Variants in PDE3B observed in about 807,000 individuals in gnomAD.
The protein encoded by PDE3B is phosphodiesterase 3B.
Under a neutral mutation model 116.8 loss-of-function variants are expected in PDE3B, and 66 were observed. That is an observed-to-expected ratio of 0.56 (90% confidence interval 0.46 to 0.69). The LOEUF is 0.69. Ranked by LOEUF, PDE3B falls within the 30% of genes least tolerant of loss-of-function variation. PDE3B has a pLI of 0.00. For missense variants in PDE3B, 1,384 were observed against 1,368.1 expected, an observed-to-expected ratio of 1.01 and a Z score of -0.18; for synonymous variants, 595 against 533.6, an observed-to-expected ratio of 1.12 and a Z score of -1.59.
chr11:14,679,698 G>T (rs1854640444), intron 1 of PDE3B, among the ~76,000 whole-genome samples: 1 of 151,696 alleles, frequency 6.6e-6, no homozygotes, highest in East Asian at 2.0e-4. Context: ...TACATGTGGA[G>T]CAGCTCAGGG....
intron 2 of PDE3B, chr11:14,772,762 AAAT>A (rs576888553): frequency 2.0e-3 from 303 of 152,108 alleles, no homozygotes; most frequent in African/African-American, 7.1e-3. Flanking sequence ...GAAAAAAGGA[AAAT>A]CACTCATAAA....
chr11:14,814,990 A>C (rs374606350), intron 5 of PDE3B, among the ~76,000 whole-genome samples: 23 of 150,860 alleles, frequency 1.5e-4, no homozygotes, highest in East Asian at 7.8e-4. Context: ...AAAAAAAAAA[A>C]GCTAGGTGTA....
chr11:14,746,930 G>A (rs1173536066), intron 1 of PDE3B, among the ~76,000 whole-genome samples: 2 of 152,172 alleles, frequency 1.3e-5, no homozygotes, highest in African/African-American at 2.4e-5. Context: ...CCTGAGACTG[G>A]TAATTTATAA....
chr11:14,656,396 T>C (rs1479636494), intron 1 of PDE3B, among the ~76,000 whole-genome samples: 1 of 152,222 alleles, frequency 6.6e-6, no homozygotes, highest in African/African-American at 2.4e-5. Context: ...TATCTGTTAT[T>C]ATATTTATAC....
intron 15 of PDE3B, 144 bp from the exon 16 acceptor site, chr11:14,869,312 CATTAT>C: frequency 2.6e-6 from 1 of 378,644 alleles, no homozygotes; most frequent in Non-Finnish European, 4.5e-6. Flanking sequence ...AGTACTATTT[CATTAT>C]ATTATTTTTA....
chr11:14,701,645 A>G (rs1855363765), intron 1 of PDE3B, among the ~76,000 whole-genome samples: 1 of 151,732 alleles, frequency 6.6e-6, no homozygotes, highest in African/African-American at 2.4e-5. Context: ...TTCTTATGAT[A>G]ATTGAAGAGT....
intron 1 of PDE3B, chr11:14,674,677 A>AGG (rs1440125872): frequency 4.1e-6 from 1 of 243,736 alleles, no homozygotes; most frequent in East Asian, 1.1e-4. Context: ...AGTGAATATG[A>AGG]GGGTAACAAC....
chr11:14,711,710 A>G (rs756816280), intron 1 of PDE3B, among the ~76,000 whole-genome samples: 1 of 152,110 alleles, frequency 6.6e-6, no homozygotes, highest in Non-Finnish European at 1.5e-5. Context: ...CACCTCCAAC[A>G]TTGGGGATTA....
intron 1 of PDE3B, among the ~76,000 whole-genome samples, chr11:14,760,074 T>C (rs544834530): frequency 1.3e-5 from 2 of 152,192 alleles, no homozygotes; most frequent in South Asian, 2.1e-4. Context: ...GTTAAAGTTA[T>C]AGATTTTGTA....
intron 1 of PDE3B, among the ~76,000 whole-genome samples, chr11:14,727,310 A>T (rs762985927): frequency 2.0e-5 from 3 of 152,080 alleles, no homozygotes; most frequent in African/African-American, 4.8e-5. Context: ...AGAAATTTAC[A>T]TTTTTTTAAC....
intron 4 of PDE3B, among the ~76,000 whole-genome samples, chr11:14,803,054 A>G (rs1393600148): frequency 1.3e-5 from 2 of 152,202 alleles, no homozygotes; most frequent in Non-Finnish European, 2.9e-5. Flanking sequence ...AGAGGGAAGG[A>G]GTCTTCTTTG....
downstream of PDE3B, among the ~76,000 whole-genome samples, chr11:14,872,892 T>G (rs1848157576): frequency 6.6e-6 from 1 of 152,172 alleles, no homozygotes; most frequent in Admixed American, 6.6e-5. Context: ...CACATATAAG[T>G]GGACCCATGG....
At chr11:14,677,297 T>C (rs1039391876) in intron 1 of PDE3B, among the ~76,000 whole-genome samples, 3 of 152,286 alleles carry the variant, frequency 2.0e-5, no homozygotes, top group Admixed American at 2.0e-4. Flanking sequence ...TTTCTTTTAT[T>C]CTCAAGCCAA....
intron 12 of PDE3B, among the ~76,000 whole-genome samples, chr11:14,854,500 T>A (rs1795035343): frequency 6.6e-6 from 1 of 151,708 alleles, no homozygotes; most frequent in African/African-American, 2.4e-5. Flanking sequence ...AGCAGAGAGA[T>A]TACAACTGAA....
At chr11:14,722,612 T>G (rs186855329) in intron 1 of PDE3B, among the ~76,000 whole-genome samples, 2 of 152,292 alleles carry the variant, frequency 1.3e-5, no homozygotes, top group East Asian at 1.9e-4. Flanking sequence ...GTAAAAAGTT[T>G]TTTGAAGAGC....
At chr11:14,789,060 C>T in intron 3 of PDE3B, 46 bp from the exon 4 acceptor site, 2 of 1,384,018 alleles carry the variant, frequency 1.4e-6, no homozygotes, top group Non-Finnish European at 2.0e-6. Flanking sequence ...ACATATATAG[C>T]ATATTAAAGA....
intron 13 of PDE3B, among the ~76,000 whole-genome samples, chr11:14,860,406 A>G (rs1847927676): frequency 6.6e-6 from 1 of 152,122 alleles, no homozygotes; most frequent in Non-Finnish European, 1.5e-5. Context: ...TTTGGTGCCA[A>G]AAAGCAACCA....
At chr11:14,868,894 G>A (rs994954544) in intron 15 of PDE3B, among the ~76,000 whole-genome samples, 3 of 152,028 alleles carry the variant, frequency 2.0e-5, no homozygotes, top group Non-Finnish European at 2.9e-5. Flanking sequence ...GGTGGCAGGC[G>A]CCTGTAGTCC....
intron 1 of PDE3B, among the ~76,000 whole-genome samples, chr11:14,717,375 A>G (rs367844078): frequency 1.8e-5 from 2 of 109,510 alleles, no homozygotes; most frequent in East Asian, 2.7e-4. Flanking sequence ...AACTTCCCCA[A>G]TCTAGCAAGG....
Sources: allele counts gnomAD v4.1 joint callset (sites outside exome capture counted in the v4.1 genomes callset), GRCh38; gene constraint gnomAD v4.1.1; transcripts MANE v1.5; gene names NCBI Gene and HGNC (gene_info 2026-07-23, HGNC 2026-07-21).